Variants in RUFY2 observed in about 807,000 individuals in gnomAD.
RUFY2 encodes RUN and FYVE domain containing 2, also known as RUN and FYVE domain-containing protein 2.
Under a neutral mutation model 94.4 loss-of-function variants are expected in RUFY2, and 49 were observed. The observed-to-expected ratio is 0.52, with a 90% confidence interval of 0.41 to 0.66. The LOEUF is 0.66. RUFY2 is among the 30% of genes least tolerant of loss of function. The pLI is 0.00. For missense variants in RUFY2, 541 were observed against 692.8 expected (o/e 0.78, Z 2.46); for synonymous variants, 255 against 235.7 (o/e 1.08, Z -0.75).
In RUFY2 at chr10:68,397,318, A is replaced by G. The variant is rs1260106920; in HGVS notation, c.297-437T>C. ...TTAACCAATTGTTAACTATTTGTGT[A>G]TCTAAACACAGCTAAACATGGAAAT... On this transcript the variant is annotated intron_variant, in intron 3 of 17. Coordinates refer to ENST00000602465, the MANE Select transcript of RUFY2 (RefSeq NM_001330103.2). Among the ~76,000 whole-genome samples the G allele has an allele frequency of 2.6e-5, 4 of 152,250 alleles. No homozygotes were observed. The East Asian group carries it at 7.7e-4, about 29-fold the overall frequency.
At chr10:68,341,251 A>G, downstream of RUFY2, 1 of 1,606,762 alleles carries the variant, frequency 6.2e-7, no homozygotes, top group Non-Finnish European at 8.5e-7. Context: ...AAGCAGATGT[A>G]GAGTTTGTGA....
In RUFY2 at chr10:68,381,235, C is replaced by A; in HGVS notation, c.1104G>T (p.Leu368Phe). 1 of 1,600,368 alleles carries A rather than the reference C, an allele frequency of 6.2e-7. No homozygotes were observed. Among genetic ancestry groups the A allele is most frequent in the Non-Finnish European group, 8.5e-7 (1 of 1,172,962 alleles). The change falls in exon 11 of 18, where the codon TTG (leucine) becomes TTT (phenylalanine). Residue 368 changes from leucine (L) to phenylalanine (F), a missense_variant. Physicochemically the swap from Leu to Phe is conservative, Grantham distance 22. Around this residue, in one of 3 missense-constraint regions of RUFY2, gnomAD observed 403 missense variants for 480.7 expected, o/e 0.84. Coordinates refer to ENST00000602465, the MANE Select transcript of RUFY2 (RefSeq NM_001330103.2). ...KAINIEMYQK[L>F]QGSEDGLKEK... ...GAAATTTAAGAACAATCCTTACCTG[C>A]AACTTTTGATACATCTCTATGTTAA...
Position 68,373,677 on chromosome 10 carries a change from C to T in RUFY2, c.1325+3176G>A, listed in dbSNP as rs561876176. On this transcript the variant is annotated intron_variant, in intron 13 of 17. Transcript: ENST00000602465. ...GCCCTAGCTACTCAGGAGGCTGAGG[C>T]AGGAAGATCTCTTGAGCCTAGGAAT... Among the ~76,000 whole-genome samples the T allele has an allele frequency of 2.6e-5, 4 of 152,230 alleles. No individual in the cohort carries two copies. In the East Asian group the frequency reaches 7.7e-4, roughly 29 times the overall value.
At chr10:68,365,889 C>A (rs1222278905) in intron 13 of RUFY2, among the ~76,000 whole-genome samples, 1 of 152,014 alleles carries the variant, frequency 6.6e-6, no homozygotes, top group Non-Finnish European at 1.5e-5. Flanking sequence ...GTAACCAAAG[C>A]ACACAGTACC....
intron 13 of RUFY2, among the ~76,000 whole-genome samples, chr10:68,367,178 A>T (rs1297151325): frequency 6.6e-6 from 1 of 152,090 alleles, no homozygotes; most frequent in Non-Finnish European, 1.5e-5. Flanking sequence ...ATCACTATAG[A>T]ATAAGTTGCA....
At chr10:68,378,283 G>T in intron 12 of RUFY2, 1 of 1,123,266 alleles carries the variant, frequency 8.9e-7, no homozygotes, top group Non-Finnish European at 1.1e-6. Context: ...TCATCAAAAA[G>T]TAGCTAAAAA....
At chr10:68,403,818 G>T (rs1288328689) in intron 2 of RUFY2, among the ~76,000 whole-genome samples, 1 of 149,416 alleles carries the variant, frequency 6.7e-6, no homozygotes, top group African/African-American at 2.5e-5. Context: ...TTGAGAAAGG[G>T]TCTCTCTCTG....
rs1446203822 is a variant in RUFY2, at chr10:68,344,293, T to G, written c.*1475A>C. On this transcript the variant is annotated 3_prime_UTR_variant, in exon 18 of 18. Coordinates refer to ENST00000602465, the MANE Select transcript of RUFY2 (RefSeq NM_001330103.2). ...AAGATCCTGCAGTATTAATAAGAAC[T>G]CCTTTGTAGGCAGGGAGGTACCTAG... The G allele has an allele frequency of 6.6e-6, 1 of 152,170 alleles. No individual in the cohort carries two copies. Among genetic ancestry groups the G allele is most frequent in the East Asian group, 1.9e-4 (1 of 5,198 alleles). 9.4% of individuals were successfully genotyped at this position (152,170 alleles called of 1,614,324 possible).
rs1485909892 is a variant in RUFY2, at chr10:68,343,453, T to C, written c.*2315A>G. On this transcript the variant is annotated 3_prime_UTR_variant, in exon 18 of 18. Coordinates refer to ENST00000602465, the MANE Select transcript of RUFY2 (RefSeq NM_001330103.2). ...TTTTATTTTCCCAGGATTACTCTCT[T>C]AACATCTTAAAGCAGTAAAAGTATA... 2.0e-5 allele frequency: 3 copies of C among 152,570 alleles called. No homozygotes were observed. The East Asian group carries it at 5.8e-4, about 29-fold the overall frequency. The allele number at this position is 152,570 out of a possible 1,614,324, so 9.5% of individuals were successfully genotyped here.
chr10:68,392,080 G>A lies in RUFY2; in HGVS notation c.650+1058C>T, dbSNP rs575788300. ...ACATTTCACTTTTGTTGCCCAAGCT[G>A]CAGTGCAATGGCACGATCTCGACTC... On this transcript the variant is annotated intron_variant, in intron 7 of 17. Coordinates refer to ENST00000602465, the MANE Select transcript of RUFY2 (RefSeq NM_001330103.2). 2.9e-3 allele frequency among the ~76,000 whole-genome samples: 438 copies of A among 149,234 alleles called. 2 individuals are homozygous for A. The highest frequency in any genetic ancestry group is 0.01 in the African/African-American group (416 of 40,650).
At chr10:68,375,257 A>G (rs1031491905) in intron 13 of RUFY2, among the ~76,000 whole-genome samples, 1 of 147,202 alleles carries the variant, frequency 6.8e-6, no homozygotes, top group Admixed American at 6.8e-5. Flanking sequence ...AGGGAGCTAA[A>G]TGATAAGAAC....
At chr10:68,380,411 A>T (rs932930085) in intron 11 of RUFY2, among the ~76,000 whole-genome samples, 1 of 151,952 alleles carries the variant, frequency 6.6e-6, no homozygotes, top group South Asian at 2.1e-4. Flanking sequence ...AAAAAAAATT[A>T]AAAAATAAAA....
chr10:68,390,159 T>C (rs2049867285), intron 7 of RUFY2, among the ~76,000 whole-genome samples: 2 of 152,306 alleles, frequency 1.3e-5, no homozygotes, highest in South Asian at 2.1e-4. Flanking sequence ...TTACAAAATA[T>C]ACATATATTT....
intron 7 of RUFY2, among the ~76,000 whole-genome samples, chr10:68,387,864 G>C (rs1312391149): frequency 6.6e-6 from 1 of 152,034 alleles, no homozygotes; most frequent in African/African-American, 2.4e-5. Context: ...TTAGCTGGGC[G>C]TGGTGGCACA....
intron 7 of RUFY2, among the ~76,000 whole-genome samples, chr10:68,389,879 T>C (rs1589949196): frequency 6.6e-6 from 1 of 152,020 alleles, no homozygotes; most frequent in Admixed American, 6.6e-5. Flanking sequence ...GGAAGAGATA[T>C]GAGAATAGAT....
intron 7 of RUFY2, among the ~76,000 whole-genome samples, chr10:68,386,650 T>C (rs2049525365): frequency 6.6e-6 from 1 of 152,166 alleles, no homozygotes; most frequent in Non-Finnish European, 1.5e-5. Flanking sequence ...CCCGGCCTAC[T>C]CATTTTTTTA....
At chr10:68,392,642 G>A (rs1452782591) in intron 7 of RUFY2, among the ~76,000 whole-genome samples, 1 of 151,794 alleles carries the variant, frequency 6.6e-6, no homozygotes, top group Non-Finnish European at 1.5e-5. Context: ...TGACTCTCGG[G>A]CCAGGCGTGG....
chr10:68,350,531 A>T (rs1564776584), intron 16 of RUFY2, among the ~76,000 whole-genome samples: 1 of 152,244 alleles, frequency 6.6e-6, no homozygotes, highest in Non-Finnish European at 1.5e-5. Context: ...AAAAGCAGAT[A>T]ATATTCTGTT....
At position 68,343,455 on chromosome 10, in the gene RUFY2, A is replaced by G. The variant is rs2046089759; in HGVS notation, c.*2313T>C. The G allele has an allele frequency of 6.6e-6, 1 of 152,644 alleles. No homozygotes were observed. Among genetic ancestry groups the G allele is most frequent in the Admixed American group, 6.5e-5 (1 of 15,276 alleles). The allele number at this position is 152,644 out of a possible 1,614,324, so 9.5% of individuals were successfully genotyped here. A position where few individuals can be genotyped will look rare whatever the true frequency, so the allele number is the denominator to read the frequency against. On this transcript the variant is annotated 3_prime_UTR_variant, in exon 18 of 18. Coordinates refer to ENST00000602465, the MANE Select transcript of RUFY2 (RefSeq NM_001330103.2). ...TTATTTTCCCAGGATTACTCTCTTA[A>G]CATCTTAAAGCAGTAAAAGTATACA...
Sources: allele counts gnomAD v4.1 joint callset (sites outside exome capture counted in the v4.1 genomes callset), GRCh38; gene constraint gnomAD v4.1.1; regional missense constraint gnomAD v4.1.1; transcripts MANE v1.5; gene names NCBI Gene and HGNC (gene_info 2026-07-23, HGNC 2026-07-21).